The following COA1 variants were observed in gnomAD, a reference collection of about 807,000 sequenced individuals.
COA1 encodes the protein cytochrome c oxidase assembly factor 1.
COA1 carries 13 observed loss-of-function variants against 16.0 expected under a neutral mutation model. That is an observed-to-expected ratio of 0.81 (90% confidence interval 0.53 to 1.29). The LOEUF is 1.29. Among genes scored for constraint, COA1 ranks in the 50% most tolerant of loss-of-function variants. The pLI is 0.00. For synonymous variants in COA1, 65 were observed against 65.7 expected, an observed-to-expected ratio of 0.99 and a Z score of 0.05; for missense variants, 179 against 177.0, an observed-to-expected ratio of 1.01 and a Z score of -0.06.
At chr7:43,629,076 T>C (rs2084912968) in intron 6 of COA1, among the ~76,000 whole-genome samples, 1 of 152,232 alleles carries the variant, frequency 6.6e-6, no homozygotes, top group Non-Finnish European at 1.5e-5. Flanking sequence ...AACATTCTAC[T>C]GAACGTTCAG....
At chr7:43,691,301 GAA>G (rs1307628323) in intron 1 of COA1, among the ~76,000 whole-genome samples, 1 of 93,612 alleles carries the variant, frequency 1.1e-5, no homozygotes, top group African/African-American at 4.1e-5. Flanking sequence ...AAGAAAGAAA[GAA>G]AGAAAGAAAG....
At chr7:43,662,077 CAATT>C (rs1343996850) in intron 1 of COA1, among the ~76,000 whole-genome samples, 3 of 152,172 alleles carry the variant, frequency 2.0e-5, no homozygotes, top group African/African-American at 7.2e-5. Flanking sequence ...TTACATATGA[CAATT>C]AACCTTTAAG....
chr7:43,646,657 CCT>C (rs1292120650), intron 3 of COA1: 5 of 456,322 alleles, frequency 1.1e-5, no homozygotes, highest in Admixed American at 9.4e-5. Flanking sequence ...ATGTCCTGCC[CCT>C]GTCCCTTTGG....
chr7:43,636,660 C>A (rs1440260675), downstream of COA1, among the ~76,000 whole-genome samples: 1 of 152,158 alleles, frequency 6.6e-6, no homozygotes, highest in Non-Finnish European at 1.5e-5. Context: ...TTCCTGTATA[C>A]AAATTTTACC....
At chr7:43,663,040 G>A (rs543172050) in intron 1 of COA1, among the ~76,000 whole-genome samples, 1 of 152,198 alleles carries the variant, frequency 6.6e-6, no homozygotes, top group African/African-American at 2.4e-5. Flanking sequence ...CTTGGTGGGA[G>A]GTGACTGGAT....
chr7:43,661,598 C>T (rs1432311534), intron 1 of COA1, among the ~76,000 whole-genome samples: 1 of 151,314 alleles, frequency 6.6e-6, no homozygotes, highest in Non-Finnish European at 1.5e-5. Flanking sequence ...GATCGCGCCA[C>T]CGCACTCCAG....
At chr7:43,654,767 A>G (rs2091449353) in intron 1 of COA1, among the ~76,000 whole-genome samples, 2 of 152,238 alleles carry the variant, frequency 1.3e-5, no homozygotes, top group South Asian at 4.1e-4. Context: ...AAAAAAGACA[A>G]AAATGTAGAA....
chr7:43,670,440 G>A (rs2093186237), intron 1 of COA1, among the ~76,000 whole-genome samples: 1 of 151,934 alleles, frequency 6.6e-6, no homozygotes, highest in Admixed American at 6.6e-5. Flanking sequence ...GCAACAGGGT[G>A]AGACTTGGTC....
intron 1 of COA1, among the ~76,000 whole-genome samples, chr7:43,653,350 C>G (rs988729310): frequency 6.6e-6 from 1 of 151,624 alleles, no homozygotes; most frequent in Non-Finnish European, 1.5e-5. Context: ...AAAAACAAAA[C>G]AAAAGAAGGC....
intron 1 of COA1, among the ~76,000 whole-genome samples, chr7:43,660,817 T>C (rs2092346728): frequency 6.6e-6 from 1 of 152,262 alleles, no homozygotes; most frequent in South Asian, 2.1e-4. Context: ...TTTGGCCTCA[T>C]TCCTCTCTAG....
At chr7:43,657,573 G>C (rs1010825592) in intron 1 of COA1, among the ~76,000 whole-genome samples, 1 of 152,102 alleles carries the variant, frequency 6.6e-6, no homozygotes, top group African/African-American at 2.4e-5. Flanking sequence ...CTAGGCACTA[G>C]AAACAAAAAA....
At chr7:43,610,224 G>T (rs1175634897) in intron 6 of COA1, among the ~76,000 whole-genome samples, 1 of 152,022 alleles carries the variant, frequency 6.6e-6, no homozygotes, top group Non-Finnish European at 1.5e-5. Context: ...GTGGGTGCCT[G>T]TAGTCCCAGC....
chr7:43,659,773 G>GC (rs1156927330), intron 1 of COA1, among the ~76,000 whole-genome samples: 1 of 151,856 alleles, frequency 6.6e-6, no homozygotes, highest in Non-Finnish European at 1.5e-5. Flanking sequence ...GTTTTACATA[G>GC]CCCCCCATTC....
intron 4 of COA1, chr7:43,641,910 A>G (rs1282763817): frequency 6.6e-6 from 1 of 152,278 alleles, no homozygotes; most frequent in African/African-American, 2.4e-5. Context: ...AAGGAAGCCC[A>G]TCATGAGACA....
chr7:43,691,432 AGAAAG>A (rs1384274257), intron 1 of COA1, among the ~76,000 whole-genome samples: 10 of 86,328 alleles, frequency 1.2e-4, no homozygotes, highest in African/African-American at 3.1e-4. Context: ...AAAGAAAGAA[AGAAAG>A]AAAGAAAGAA....
chr7:43,633,782 A>G (rs2085417747), intron 6 of COA1, among the ~76,000 whole-genome samples: 1 of 151,974 alleles, frequency 6.6e-6, no homozygotes, highest in Admixed American at 6.6e-5. Context: ...TTTGTTTTTG[A>G]CAAATTTGTA....
At chr7:43,618,516 A>G (rs896991695) in intron 6 of COA1, among the ~76,000 whole-genome samples, 1 of 152,214 alleles carries the variant, frequency 6.6e-6, no homozygotes, top group Non-Finnish European at 1.5e-5. Context: ...GTTAGAGTGA[A>G]GTATTTGTAA....
At chr7:43,692,509 C>A (rs1302554663) in intron 1 of COA1, among the ~76,000 whole-genome samples, 2 of 151,926 alleles carry the variant, frequency 1.3e-5, no homozygotes, top group African/African-American at 2.4e-5. Flanking sequence ...CACAGCAAGA[C>A]CCTGTCTTAA....
intron 6 of COA1, among the ~76,000 whole-genome samples, chr7:43,612,442 T>C (rs2082962215): frequency 6.6e-6 from 1 of 152,262 alleles, no homozygotes; most frequent in South Asian, 2.1e-4. Flanking sequence ...TAATGTTGAC[T>C]CTTGGTCTCT....
Sources: allele counts gnomAD v4.1 joint callset (sites outside exome capture counted in the v4.1 genomes callset), GRCh38; gene constraint gnomAD v4.1.1; transcripts MANE v1.5; gene names NCBI Gene and HGNC (gene_info 2026-07-23, HGNC 2026-07-21).